The following COL4A1 variants were observed in gnomAD, a reference collection of about 807,000 sequenced individuals.
COL4A1 encodes the protein collagen alpha-1(IV) chain.
COL4A1 carries 40 observed loss-of-function variants against 216.6 expected under a neutral mutation model. That is an observed-to-expected ratio of 0.18 (90% confidence interval 0.14 to 0.24). COL4A1 has a LOEUF of 0.24. COL4A1 is among the 10% of genes least tolerant of loss of function. The pLI is 1.00. For missense variants in COL4A1, 1,628 were observed against 2,196.8 expected, an observed-to-expected ratio of 0.74 and a Z score of 5.18; for synonymous variants, 839 against 810.7, an observed-to-expected ratio of 1.03 and a Z score of -0.59.
chr13:110,260,627 A>C (rs187765701), intron 1 of COL4A1, among the ~76,000 whole-genome samples: 2 of 152,306 alleles, frequency 1.3e-5, no homozygotes, highest in Admixed American at 1.3e-4. Context: ...ATACAGTATG[A>C]CATTTTTTTT....
At chr13:110,154,028 A>AGGG (rs1351065151) in intron 50 of COL4A1, among the ~76,000 whole-genome samples, 4 of 152,154 alleles carry the variant, frequency 2.6e-5, no homozygotes, top group Non-Finnish European at 4.4e-5. Context: ...TTTCCCGCCA[A>AGGG]TTTTTTCTAC....
At chr13:110,240,548 G>A (rs936359330) in intron 2 of COL4A1, among the ~76,000 whole-genome samples, 2 of 152,254 alleles carry the variant, frequency 1.3e-5, no homozygotes, top group Non-Finnish European at 2.9e-5. Flanking sequence ...CAGGCTCCAA[G>A]CCAGGACAGG....
At chr13:110,267,764 G>A (rs1387941888) in intron 1 of COL4A1, among the ~76,000 whole-genome samples, 4 of 152,068 alleles carry the variant, frequency 2.6e-5, no homozygotes, top group Non-Finnish European at 4.4e-5. Context: ...CCCAAATAAT[G>A]GCATTGGAAT....
intron 1 of COL4A1, among the ~76,000 whole-genome samples, chr13:110,300,405 T>C (rs552260790): frequency 9.2e-5 from 14 of 152,354 alleles, no homozygotes; most frequent in African/African-American, 2.6e-4. Context: ...TTCAAAACAT[T>C]GAATTACAGC....
chr13:110,256,390 ACAG>A (rs1312574627), intron 1 of COL4A1, among the ~76,000 whole-genome samples: 5 of 152,232 alleles, frequency 3.3e-5, no homozygotes, highest in African/African-American at 1.2e-4. Flanking sequence ...AGAGGTGAAG[ACAG>A]CAGAGGAGGA....
intron 24 of COL4A1, chr13:110,191,492 A>G (rs1457912013): frequency 2.1e-6 from 1 of 470,942 alleles, no homozygotes. Context: ...TATGCAAGAA[A>G]ATAATGTCCT....
At chr13:110,234,776 G>A (rs796412075) in intron 2 of COL4A1, among the ~76,000 whole-genome samples, 17 of 152,054 alleles carry the variant, frequency 1.1e-4, no homozygotes, top group South Asian at 8.3e-4. Context: ...ACCTCTTCCC[G>A]TTTCCATCCC....
intron 2 of COL4A1, among the ~76,000 whole-genome samples, chr13:110,216,915 T>C (rs1003030719): frequency 9.9e-5 from 15 of 152,160 alleles, no homozygotes; most frequent in Non-Finnish European, 1.2e-4. Context: ...GAAATCCAAA[T>C]TCCCAGACCT....
At chr13:110,201,789 C>T in intron 18 of COL4A1, 1 of 613,964 alleles carries the variant, frequency 1.6e-6, no homozygotes, top group South Asian at 1.4e-5. Flanking sequence ...CGAGACCAGC[C>T]TGGTCAATAT....
chr13:110,182,999 G>C lies in COL4A1; in HGVS notation c.2089C>G (p.Pro697Ala), dbSNP rs1395505056. Reference protein sequence around the residue: ...PGIGFPGPPGPKGVDGLPGDM... With the variant: ...PGIGFPGPPGAKGVDGLPGDM... ...GTCCGTCTGGCAGGGTTACCTTTGG[G>C]GCCGGGGGGCCCTGGAAATCCAATG... The change falls in exon 28 of 52, where the codon CCC becomes GCC. Residue 697 changes from proline to alanine, a missense_variant. Physicochemically the swap from Pro to Ala is conservative, Grantham distance 27. This residue lies in a region of COL4A1 where 701 missense variants were observed against 892.5 expected (regional missense o/e 0.79). Transcript: ENST00000375820. 6.2e-7 allele frequency: 1 copy of C among 1,612,286 alleles called. No individual in the cohort carries two copies. The highest frequency in any genetic ancestry group is 8.5e-7 in the Non-Finnish European group (1 of 1,179,574).
Position 110,178,923 on chromosome 13 carries a change from C to T in COL4A1, c.2458G>A (p.Gly820Ser). The T allele has an allele frequency of 6.2e-7, 1 of 1,608,488 alleles. No individual in the cohort carries two copies. The highest frequency in any genetic ancestry group is 8.5e-7 in the Non-Finnish European group (1 of 1,176,888). Residue 820 changes from glycine to serine, a missense_variant and splice_region_variant, in exon 31 of 52, where the codon GGC (glycine) becomes AGC (serine). By Grantham distance (56) the Gly-to-Ser change is moderately conservative. This residue lies in a region of COL4A1 where 701 missense variants were observed against 892.5 expected (regional missense o/e 0.79). Coordinates refer to ENST00000375820, the MANE Select transcript of COL4A1 (RefSeq NM_001845.6). ...PGGQGPPGLS[G>S]PPGIKGEKGF... is the part of the protein sequence containing the mutation. ...ATAATTCTAGAAGCATGTCACTCAC[C>T]TGACAACCCCGGTGGTCCCTGTCCT...
chr13:110,152,221 A>C, intron 51 of COL4A1, 113 bp downstream of exon 51: 2 of 1,505,804 alleles, frequency 1.3e-6, no homozygotes, highest in South Asian at 2.4e-5. Context: ...TCAAATATTC[A>C]TTGCTAACCA....
At chr13:110,182,965 A>C in intron 28 of COL4A1, 28 bp downstream of exon 28, 1 of 1,596,456 alleles carries the variant, frequency 6.3e-7, no homozygotes, top group Non-Finnish European at 8.5e-7. Context: ...AGGTGGACCA[A>C]AGGCTCGGGT....
chr13:110,237,232 T>C (rs1238837979), intron 2 of COL4A1, among the ~76,000 whole-genome samples: 2 of 152,332 alleles, frequency 1.3e-5, no homozygotes, highest in East Asian at 3.9e-4. Context: ...TGTCTTCAGC[T>C]GGCCCGACTC....
Position 110,166,266 on chromosome 13 carries a change from A to C in COL4A1, c.3987T>G (p.Gly1329=). The change falls in exon 45 of 52, where the codon GGT becomes GGG. Residue 1329 remains glycine, a synonymous_variant. Transcript: ENST00000375820. ...CCGGGACGCCTTGATCGCCTTGATC[A>C]CCTTTAATTCCCTGGAGGCCAGGAA... is the stretch of plus-strand genomic sequence containing the variant. ...KGLPGLQGIK[G]DQGDQGVPGA... is the part of the protein sequence containing the mutation. The C allele has an allele frequency of 6.2e-7, 1 of 1,612,842 alleles. No homozygotes were observed. Among genetic ancestry groups the C allele is most frequent in the Non-Finnish European group, 8.5e-7 (1 of 1,178,788 alleles).
intron 47 of COL4A1, among the ~76,000 whole-genome samples, 182 bp downstream of exon 47, chr13:110,163,281 G>A (rs1877169974): frequency 1.3e-5 from 2 of 152,250 alleles, no homozygotes; most frequent in South Asian, 4.1e-4. Context: ...TCTCTACACA[G>A]AAAAAAGAAC....
chr13:110,301,651 G>C (rs1566456534), intron 1 of COL4A1, among the ~76,000 whole-genome samples: 1 of 152,202 alleles, frequency 6.6e-6, no homozygotes, highest in South Asian at 2.1e-4. Context: ...ACGTGGAAAA[G>C]GGGCAGGCTG....
intron 1 of COL4A1, among the ~76,000 whole-genome samples, chr13:110,269,698 C>T (rs1249988330): frequency 6.6e-6 from 1 of 152,084 alleles, no homozygotes; most frequent in Non-Finnish European, 1.5e-5. Flanking sequence ...CCCTTGCCGG[C>T]AGGGTAGGTG....
At chr13:110,231,228 G>A (rs994670677) in intron 2 of COL4A1, among the ~76,000 whole-genome samples, 16 of 152,190 alleles carry the variant, frequency 1.1e-4, no homozygotes, top group South Asian at 4.1e-4. Flanking sequence ...GTCAAACAGC[G>A]ACAAACAGTT....
Sources: gnomAD v4.1 joint callset for allele counts (sites outside exome capture counted in the v4.1 genomes callset) on GRCh38, gnomAD v4.1.1 for gene constraint, gnomAD v4.1.1 regional missense constraint, MANE v1.5 for transcripts, NCBI Gene and HGNC (gene_info 2026-07-23, HGNC 2026-07-21) for gene names.